The following MEIKIN variants were observed in gnomAD, a reference collection of about 807,000 sequenced individuals.
The protein encoded by MEIKIN is meiotic kinetochore factor.
chr5:131,871,568 G>A (rs1027848521), intron 9 of MEIKIN, among the ~76,000 whole-genome samples: 8 of 152,200 alleles, frequency 5.3e-5, no homozygotes, highest in Admixed American at 3.3e-4. Context: ...TCCACCTCTG[G>A]GGACAGGGCA....
chr5:131,880,152 C>G (rs1224532627), intron 8 of MEIKIN, among the ~76,000 whole-genome samples: 1 of 151,614 alleles, frequency 6.6e-6, no homozygotes, highest in Non-Finnish European at 1.5e-5. Context: ...TGCAGTGGCG[C>G]GATCTAGGCT....
intron 8 of MEIKIN, among the ~76,000 whole-genome samples, chr5:131,890,723 C>T (rs1294422577): frequency 1.3e-5 from 2 of 152,170 alleles, no homozygotes; most frequent in African/African-American, 4.8e-5. Flanking sequence ...TCCTTCAGTG[C>T]TGCTCTGATC....
At chr5:131,853,968 T>C (rs989535340) in intron 10 of MEIKIN, among the ~76,000 whole-genome samples, 2 of 152,174 alleles carry the variant, frequency 1.3e-5, no homozygotes, top group African/African-American at 2.4e-5. Context: ...AATTACAATA[T>C]GCTGTAGCAA....
At chr5:131,844,256 A>G (rs979012474) in intron 11 of MEIKIN, among the ~76,000 whole-genome samples, 1 of 152,228 alleles carries the variant, frequency 6.6e-6, no homozygotes, top group Non-Finnish European at 1.5e-5. Flanking sequence ...CACAGAGCCA[A>G]TCTATATCAT....
chr5:131,865,005 G>A (rs950695024), intron 9 of MEIKIN, among the ~76,000 whole-genome samples: 3 of 152,046 alleles, frequency 2.0e-5, no homozygotes, highest in Admixed American at 6.5e-5. Context: ...GTCTATTGTT[G>A]AATCTTTTGA....
Position 131,922,012 on chromosome 5 carries a change from C to T in MEIKIN, c.479-71G>A, listed in dbSNP as rs1751513317. 7.6e-6 allele frequency: 3 copies of T among 397,198 alleles called. No individual in the cohort carries two copies. In the East Asian group the frequency reaches 1.1e-4, roughly 14 times the overall value. The allele number at this position is 397,198 out of a possible 1,614,324, so 24.6% of individuals were successfully genotyped here. A position where few individuals can be genotyped will look rare whatever the true frequency, so the allele number is the denominator to read the frequency against. On this transcript the variant is annotated intron_variant, in intron 5 of 12. Transcript: ENST00000442687. ...TACAAATGATGGGTTACTCCCTACC[C>T]CACCTTAGGCCCCCAGCCCATACTA...
At chr5:131,913,172 T>C (rs1418597674) in intron 7 of MEIKIN, among the ~76,000 whole-genome samples, 1 of 152,212 alleles carries the variant, frequency 6.6e-6, no homozygotes, top group Non-Finnish European at 1.5e-5. Flanking sequence ...CTGCTTTTTA[T>C]CATCTCCTCA....
intron 9 of MEIKIN, among the ~76,000 whole-genome samples, chr5:131,873,980 GAC>G (rs1451196041): frequency 2.0e-5 from 3 of 152,192 alleles, no homozygotes; most frequent in Non-Finnish European, 4.4e-5. Context: ...GAATCTCTGG[GAC>G]ATATTCAAAG....
At chr5:131,862,595 C>T (rs1481460072) in intron 9 of MEIKIN, among the ~76,000 whole-genome samples, 2 of 152,096 alleles carry the variant, frequency 1.3e-5, no homozygotes, top group Non-Finnish European at 2.9e-5. Context: ...GCACATACTA[C>T]TTTTTTGATG....
chr5:131,898,760 T>C (rs977214576), intron 8 of MEIKIN, among the ~76,000 whole-genome samples: 1 of 152,226 alleles, frequency 6.6e-6, no homozygotes, highest in African/African-American at 2.4e-5. Context: ...TCCTGGTCTG[T>C]CGGTTGCTGA....
chr5:131,834,291 C>T (rs1034815843), intron 11 of MEIKIN, among the ~76,000 whole-genome samples: 17 of 152,194 alleles, frequency 1.1e-4, no homozygotes, highest in Admixed American at 3.3e-4. Context: ...AGAAGTACCA[C>T]AATCAAATTA....
intron 5 of MEIKIN, among the ~76,000 whole-genome samples, chr5:131,922,589 C>G (rs1561755965): frequency 6.6e-6 from 1 of 152,032 alleles, no homozygotes; most frequent in Non-Finnish European, 1.5e-5. Context: ...TGGAACCAAC[C>G]CCCATGGATA....
At chr5:131,932,033 G>T (rs1205538457) in intron 5 of MEIKIN, among the ~76,000 whole-genome samples, 1 of 152,116 alleles carries the variant, frequency 6.6e-6, no homozygotes, top group Non-Finnish European at 1.5e-5. Context: ...CCTGGGGTCA[G>T]TATCTTTAGA....
chr5:131,886,548 T>C (rs1270789669), intron 8 of MEIKIN, among the ~76,000 whole-genome samples: 1 of 152,200 alleles, frequency 6.6e-6, no homozygotes, highest in African/African-American at 2.4e-5. Context: ...TACAATAGTA[T>C]ATCAGGCAAA....
chr5:131,861,492 T>A (rs1381304403), intron 9 of MEIKIN, among the ~76,000 whole-genome samples: 1 of 152,212 alleles, frequency 6.6e-6, no homozygotes, highest in Non-Finnish European at 1.5e-5. Context: ...TTTGGTACTA[T>A]GTTTAATGGG....
intron 9 of MEIKIN, among the ~76,000 whole-genome samples, chr5:131,877,990 T>TA (rs937658182): frequency 3.9e-5 from 6 of 152,204 alleles, no homozygotes; most frequent in African/African-American, 1.4e-4. Context: ...ATGATAGACA[T>TA]ACCATCCGCT....
At chr5:131,895,222 A>G (rs1056226693) in intron 8 of MEIKIN, among the ~76,000 whole-genome samples, 1 of 152,136 alleles carries the variant, frequency 6.6e-6, no homozygotes, top group Non-Finnish European at 1.5e-5. Context: ...CCAGCCTTGC[A>G]TTTCAGGGAT....
At chr5:131,835,203 T>C (rs1749783861) in intron 11 of MEIKIN, among the ~76,000 whole-genome samples, 1 of 151,390 alleles carries the variant, frequency 6.6e-6, no homozygotes, top group African/African-American at 2.4e-5. Flanking sequence ...TGTGTGTATA[T>C]ATATGTGTGT....
intron 8 of MEIKIN, among the ~76,000 whole-genome samples, chr5:131,888,894 G>A (rs1175414098): frequency 3.9e-5 from 6 of 152,178 alleles, no homozygotes; most frequent in Non-Finnish European, 8.8e-5. Flanking sequence ...TGTATAAGGT[G>A]TAAGGAAGGG....
Sources: allele counts gnomAD v4.1 joint callset (sites outside exome capture counted in the v4.1 genomes callset), GRCh38; gene constraint gnomAD v4.1.1; transcripts MANE v1.5; gene names NCBI Gene and HGNC (gene_info 2026-07-23, HGNC 2026-07-21).